CTNND2: variants seen among roughly 807,000 people sequenced by gnomAD.
The protein encoded by CTNND2 is catenin delta-2.
In CTNND2, 22 loss-of-function variants were observed where a neutral mutation model predicts 144.4. The ratio of observed to expected loss-of-function variants is 0.15; its 90% confidence interval spans 0.11 to 0.22. The LOEUF is 0.22. Among genes scored for constraint, CTNND2 ranks in the 10% least tolerant of loss-of-function variants. The pLI, the probability that CTNND2 is intolerant of heterozygous loss-of-function variation, is 1.00. For synonymous variants in CTNND2, 751 were observed against 695.6 expected (o/e 1.08, Z -1.25); for missense variants, 1,353 against 1,618.8 (o/e 0.84, Z 2.82).
In CTNND2 at chr5:11,576,896, T is replaced by C. The variant is rs137975065; in HGVS notation, c.175-11840A>G. On this transcript the variant is annotated intron_variant, in intron 2 of 21. Transcript: ENST00000304623. Reference sequence around the variant, plus strand: ...TCTTCGGTGGCTGGAGAATTCCCAGTGAGTTACCTAATTTGACCACTGGAA... The same window carrying C: ...TCTTCGGTGGCTGGAGAATTCCCAGCGAGTTACCTAATTTGACCACTGGAA... Among the ~76,000 whole-genome samples, 13 of 152,208 alleles carry C rather than the reference T, an allele frequency of 8.5e-5. No individual in the cohort carries two copies. In the East Asian group the frequency reaches 2.5e-3, roughly 29 times the overall value.
intron 9 of CTNND2, among the ~76,000 whole-genome samples, chr5:11,284,810 A>C (rs1296391887): frequency 6.6e-6 from 1 of 152,130 alleles, no homozygotes; most frequent in Admixed American, 6.5e-5. Context: ...AATCGATCTC[A>C]CCATTAACTT....
At chr5:11,773,552 G>GCCTGC (rs1396647778) in intron 1 of CTNND2, among the ~76,000 whole-genome samples, 1 of 152,156 alleles carries the variant, frequency 6.6e-6, no homozygotes, top group African/African-American at 2.4e-5. Flanking sequence ...GGTGGCTCAT[G>GCCTGC]CCTGTAATCC....
At chr5:11,881,941 A>T (rs1357315173) in intron 1 of CTNND2, among the ~76,000 whole-genome samples, 2 of 152,028 alleles carry the variant, frequency 1.3e-5, no homozygotes, top group African/African-American at 2.4e-5. Context: ...CTGGGTTGAA[A>T]CGATAACTCA....
At position 11,904,388 on chromosome 5, in the gene CTNND2, C is replaced by T. The variant is rs1738167753; in HGVS notation, c.-535G>A. Among the ~76,000 whole-genome samples, 1 of 151,344 alleles carries T rather than the reference C, an allele frequency of 6.6e-6. No individual in the cohort carries two copies. The highest frequency in any genetic ancestry group is 2.4e-5 in the African/African-American group (1 of 41,278). On this transcript the variant is annotated 5_prime_UTR_variant, in exon 1 of 22. Transcript: ENST00000304623. This position sits in a 1 kb window ranked among gnomAD's most constrained non-coding sequence, Gnocchi z 4.2. ...CCTCCACCTAAACCTCGGCGGCCGG[C>T]CCGGGCGCCCGGCTAGTGAGGGAGC...
chr5:11,141,414 C>T (rs984024692), intron 12 of CTNND2, among the ~76,000 whole-genome samples: 2 of 151,930 alleles, frequency 1.3e-5, no homozygotes, highest in Non-Finnish European at 2.9e-5. Context: ...GCCAGAGTAC[C>T]CTCCTGATGG....
chr5:11,746,467 T>C (rs1235251756), intron 1 of CTNND2, among the ~76,000 whole-genome samples: 1 of 152,122 alleles, frequency 6.6e-6, no homozygotes, highest in Non-Finnish European at 1.5e-5. Context: ...GTGATGATCT[T>C]ATCTCTTCTG....
intron 1 of CTNND2, among the ~76,000 whole-genome samples, chr5:11,800,436 T>C (rs1469056468): frequency 1.3e-5 from 2 of 152,168 alleles, no homozygotes; most frequent in African/African-American, 2.4e-5. Flanking sequence ...TGAAATTACA[T>C]AGTACATTTA....
rs1420736616 is a variant in CTNND2 at position 11,081,091 on chromosome 5, C to CACACACACACTCACAG, written c.2788+1604_2788+1605insCTGTGAGTGTGTGTGT. ...ACCCTGTCACACACACACACACACA[C>CACACACACACTCACAG]ACACACACACACACACTCACACACA... On this transcript the variant is annotated intron_variant, in intron 16 of 21. Transcript: ENST00000304623. Among the ~76,000 whole-genome samples, 5 of 149,684 alleles carry CACACACACACTCACAG rather than the reference C, an allele frequency of 3.3e-5. No individual in the cohort carries two copies. The East Asian group carries it at 9.7e-4, about 29-fold the overall frequency.
At chr5:11,396,072 A>G (rs1760099097) in intron 6 of CTNND2, among the ~76,000 whole-genome samples, 1 of 152,204 alleles carries the variant, frequency 6.6e-6, no homozygotes, top group African/African-American at 2.4e-5. Flanking sequence ...GTGCATAGTG[A>G]GCATTTCAGA....
chr5:11,454,684 C>A (rs1765585707), intron 3 of CTNND2, among the ~76,000 whole-genome samples: 1 of 151,658 alleles, frequency 6.6e-6, no homozygotes, highest in Non-Finnish European at 1.5e-5. Flanking sequence ...GCAATCTCCA[C>A]CTCCTGGTTT....
intron 3 of CTNND2, among the ~76,000 whole-genome samples, chr5:11,492,128 A>G (rs549154772): frequency 6.6e-6 from 1 of 152,328 alleles, no homozygotes; most frequent in South Asian, 2.1e-4. Flanking sequence ...CATCCCATAT[A>G]TCGCTTTATG....
rs1258327368 is a variant in CTNND2, at chr5:11,385,214, C to T, written c.628G>A (p.Ala210Thr). The T allele has an allele frequency of 8.5e-6, 9 of 1,055,176 alleles. No homozygotes were observed. The highest frequency in any genetic ancestry group is 9.1e-6 in the Non-Finnish European group (8 of 876,498). The allele number at this position is 1,055,176 out of a possible 1,614,324, so 65.4% of individuals were successfully genotyped here. ...GGCTCGGGCCCCGCCAGGTGGCCGG[C>T]GCGGCTGGTCGTGCCCTGTGCCCGG... The part of the protein sequence containing the change: ...QSFSQGTTSR[A>T]GHLAGPEPAP... The change falls in exon 7 of 22, where the codon GCC (alanine) becomes ACC (threonine). Residue 210 changes from alanine to threonine, a missense_variant. By Grantham distance (58) the Ala-to-Thr change is moderately conservative. This residue lies in a region of CTNND2 where 708 missense variants were observed against 706.4 expected (regional missense o/e 1.00). Coordinates refer to ENST00000304623, the MANE Select transcript of CTNND2 (RefSeq NM_001332.4).
At chr5:11,506,505 C>G (rs1376787206) in intron 3 of CTNND2, among the ~76,000 whole-genome samples, 1 of 152,140 alleles carries the variant, frequency 6.6e-6, no homozygotes, top group Non-Finnish European at 1.5e-5. Flanking sequence ...ATGATGTGTA[C>G]AATTATACTA....
Position 11,752,808 on chromosome 5 carries a change from T to C in CTNND2, c.38-20536A>G, listed in dbSNP as rs1788703344. ...ATTTTAACAGTATTCTTCCTATCTATGAGCATGAAATGTTCTTCCATTTTA... is the reference window on the plus strand; with the variant it reads ...ATTTTAACAGTATTCTTCCTATCTACGAGCATGAAATGTTCTTCCATTTTA... On this transcript the variant is annotated intron_variant, in intron 1 of 21. Coordinates refer to ENST00000304623, the MANE Select transcript of CTNND2 (RefSeq NM_001332.4). 1.3e-5 allele frequency among the ~76,000 whole-genome samples: 2 copies of C among 151,908 alleles called. 1 individual carries two copies. Among genetic ancestry groups the C allele is most frequent in the South Asian group, 4.1e-4 (2 of 4,834 alleles).
In CTNND2 at chr5:11,595,116, G is replaced by A. The variant is rs76698001; in HGVS notation, c.175-30060C>T. Among the ~76,000 whole-genome samples the A allele has an allele frequency of 6.0e-3, 917 of 152,258 alleles. 3 individuals are homozygous for A. The highest frequency in any genetic ancestry group is 0.011 in the Non-Finnish European group (725 of 68,024). ...ATCCTTGCAAGGAGTAAGATTTTTA[G>A]GGCCAGCTCAGCTTTTATCTGTAAT... is the stretch of plus-strand genomic sequence containing the variant. On this transcript the variant is annotated intron_variant, in intron 2 of 21. Transcript: ENST00000304623.
intron 3 of CTNND2, among the ~76,000 whole-genome samples, chr5:11,430,422 TAAAA>T (rs5865939): frequency 7.9e-6 from 1 of 127,060 alleles, no homozygotes; most frequent in Admixed American, 7.9e-5. Flanking sequence ...ATGACTTGAT[TAAAA>T]AAAAAAAAAA....
chr5:11,822,523 G>A (rs1263477566), intron 1 of CTNND2, among the ~76,000 whole-genome samples: 1 of 151,918 alleles, frequency 6.6e-6, no homozygotes, highest in Non-Finnish European at 1.5e-5. Flanking sequence ...CCGCATCCTG[G>A]TATTCACGGT....
intron 16 of CTNND2, among the ~76,000 whole-genome samples, chr5:11,050,405 T>G (rs1213179936): frequency 4.6e-5 from 7 of 152,216 alleles, no homozygotes; most frequent in Admixed American, 4.6e-4. Context: ...TACAAATGGC[T>G]TATAGATGTA....
intron 2 of CTNND2, among the ~76,000 whole-genome samples, chr5:11,623,808 GTATATATATA>G (rs58954001): frequency 0.028 from 1,145 of 40,724 alleles, 32 homozygotes; most frequent in African/African-American, 0.078. Context: ...ATGTGTGTAT[GTATATATATA>G]TATATATATA....
Sources: gnomAD v4.1 joint callset for allele counts (sites outside exome capture counted in the v4.1 genomes callset) on GRCh38, gnomAD v4.1.1 for gene constraint, gnomAD v4.1.1 regional missense constraint, Gnocchi (gnomAD v3.1) non-coding constraint, MANE v1.5 for transcripts, NCBI Gene and HGNC (gene_info 2026-07-23, HGNC 2026-07-21) for gene names.